Variants in PBXIP1 observed in about 807,000 individuals in gnomAD.
PBXIP1 encodes the protein pre-B-cell leukemia transcription factor-interacting protein 1.
A neutral mutation model predicts 73.7 loss-of-function variants in PBXIP1; 73 were observed. The ratio of observed to expected loss-of-function variants is 0.99; its 90% CI spans 0.82 to 1.20. PBXIP1 has a LOEUF of 1.20. PBXIP1 is among the 50% of genes most tolerant of loss of function. The pLI, the probability that PBXIP1 is intolerant of heterozygous loss-of-function variation, is 0.00. For missense variants in PBXIP1, 818 were observed against 911.4 expected (o/e 0.90, Z 1.32); for synonymous variants, 330 against 366.9 (o/e 0.90, Z 1.15).
Position 154,945,601 on chromosome 1 carries a change from G to A in PBXIP1, c.2073C>T (p.His691=), listed in dbSNP as rs1654776620. 1.2e-6 allele frequency: 2 copies of A among 1,613,810 alleles called. No individual in the cohort carries two copies. The highest frequency in any genetic ancestry group is 1.7e-6 in the Non-Finnish European group (2 of 1,179,850). ...VDDFEDFIFS[H]FFGDKALKKR... ...TCTTCAGTGCTTTGTCTCCAAAGAAGTGGCTGAAGATGAAGTCCTCAAAGT... is the reference window on the plus strand; with the variant it reads ...TCTTCAGTGCTTTGTCTCCAAAGAAATGGCTGAAGATGAAGTCCTCAAAGT... The change falls in exon 10 of 11, where the codon CAC becomes CAT. Residue 691 remains histidine, a synonymous_variant. Coordinates refer to ENST00000368463, the MANE Select transcript of PBXIP1 (RefSeq NM_020524.4).
At chr1:154,953,801 G>A in intron 1 of PBXIP1, 44 bp from the exon 2 acceptor site, 3 of 1,289,102 alleles carry the variant, frequency 2.3e-6, no homozygotes, top group Admixed American at 3.9e-5. Context: ...CCCTTCAGGA[G>A]GGGCAGAATG....
rs752419763 is a variant in PBXIP1, at chr1:154,951,569, T to C, written c.179-34A>G. ...GGAGAAAAGGCGCAGAAAAACCCACTGCCCCAGCTGAATTTCCTTTGCAGC... is the reference window on the plus strand; with the variant it reads ...GGAGAAAAGGCGCAGAAAAACCCACCGCCCCAGCTGAATTTCCTTTGCAGC... On this transcript the variant is annotated intron_variant, in intron 3 of 10. Transcript: ENST00000368463. The surrounding 1 kb of genome is among the most constrained non-coding windows in gnomAD (Gnocchi z 4.3). The C allele has an allele frequency of 1.8e-5, 28 of 1,599,744 alleles. No individual in the cohort carries two copies. Among genetic ancestry groups the C allele is most frequent in the Non-Finnish European group, 2.3e-5 (27 of 1,167,326 alleles).
At position 154,948,287 on chromosome 1, in the gene PBXIP1, C is replaced by T. The variant is rs767849166; in HGVS notation, c.489G>A (p.Arg163=). The T allele has an allele frequency of 6.2e-7, 1 of 1,610,806 alleles. No individual in the cohort carries two copies. The highest frequency in any genetic ancestry group is 1.3e-5 in the African/African-American group (1 of 75,002). Residue 163 remains arginine (R), a synonymous_variant, in exon 6 of 11, where the codon CGG becomes CGA. Transcript: ENST00000368463. ...DVDMEGLRRR[R]GREAGPPQPM... ...GCTGAGGTGGGCCGGCCTCCCGGCC[C>T]CGCCGTCTCCGCAGACCCTCCATGT...
At position 154,951,070 on chromosome 1, in the gene PBXIP1, C is replaced by G. The variant is rs1188633276; in HGVS notation, c.409+162G>C. On this transcript the variant is annotated intron_variant, in intron 5 of 10. Coordinates refer to ENST00000368463, the MANE Select transcript of PBXIP1 (RefSeq NM_020524.4). The surrounding 1 kb of genome is among the most constrained non-coding windows in gnomAD (Gnocchi z 4.3). ...GTGTGACCTTGGTCAAGTCATTCAA[C>G]CTTTCTGGGCCTCAACGTCCCAGGG... Among the ~76,000 whole-genome samples the G allele has an allele frequency of 1.3e-5, 2 of 152,254 alleles. No individual in the cohort carries two copies. The highest frequency in any genetic ancestry group is 4.8e-5 in the African/African-American group (2 of 41,476).
chr1:154,955,540 G>T (rs1655150173), intron 1 of PBXIP1, among the ~76,000 whole-genome samples: 1 of 152,068 alleles, frequency 6.6e-6, no homozygotes, highest in Non-Finnish European at 1.5e-5. Context: ...TTAACCCAGG[G>T]TTCAAAAAAA....
At chr1:154,949,513 G>A (rs1457667231) in intron 5 of PBXIP1, among the ~76,000 whole-genome samples, 2 of 152,036 alleles carry the variant, frequency 1.3e-5, no homozygotes, top group Admixed American at 6.6e-5. Context: ...TCCATCCTGA[G>A]CCTCGGCATC....
chr1:154,947,926 C>G (rs1176430182), intron 7 of PBXIP1, 56 bp downstream of exon 7: 1 of 1,586,948 alleles, frequency 6.3e-7, no homozygotes, highest in Non-Finnish European at 8.7e-7. Context: ...TCCTGACCCA[C>G]AGAACCAGAG....
intron 1 of PBXIP1, 38 bp from the exon 2 acceptor site, chr1:154,953,795 T>C (rs1226273624): frequency 1.5e-6 from 2 of 1,360,092 alleles, no homozygotes; most frequent in Non-Finnish European, 2.1e-6. Flanking sequence ...GGAGCTCCCT[T>C]CAGGAGGGGC....
In PBXIP1 at chr1:154,946,181, C is replaced by A; in HGVS notation, c.1493G>T (p.Gly498Val). ...TCCCCAGTTCTTCTTCCTTTCCCGG[C>A]CAGATTCTTCCTTCTTATGTTTCCA... Reference protein sequence around the residue: ...EHWKHKKEESGRERKKNWGGQ... With the variant: ...EHWKHKKEESVRERKKNWGGQ... Residue 498 changes from glycine to valine, a missense_variant, in exon 10 of 11, where the codon GGC (glycine) becomes GTC (valine). Coordinates refer to ENST00000368463, the MANE Select transcript of PBXIP1 (RefSeq NM_020524.4). 1 of 1,614,158 alleles carries A rather than the reference C, an allele frequency of 6.2e-7. No homozygotes were observed. Among genetic ancestry groups the A allele is most frequent in the Non-Finnish European group, 8.5e-7 (1 of 1,180,026 alleles).
chr1:154,951,833 G>C lies in PBXIP1; in HGVS notation c.140C>G (p.Thr47Arg). ...GGTCCCAGCTAATTCTTTCCCATCT[G>C]TCTTGGAGGGGCTGTGAGGGGCCTG... is the stretch of plus-strand genomic sequence containing the variant. The part of the protein sequence containing the change: ...ALQAPHSPSK[T>R]DGKELAGTMD... The change falls in exon 3 of 11, where the codon ACA (threonine) becomes AGA (arginine). Residue 47 changes from threonine (T) to arginine (R), a missense_variant. Coordinates refer to ENST00000368463, the MANE Select transcript of PBXIP1 (RefSeq NM_020524.4). This position sits in a 1 kb window ranked among gnomAD's most constrained non-coding sequence, Gnocchi z 4.3. 6.2e-7 allele frequency: 1 copy of C among 1,614,016 alleles called. No individual in the cohort carries two copies. The highest frequency in any genetic ancestry group is 8.5e-7 in the Non-Finnish European group (1 of 1,179,938).
chr1:154,952,417 G>A (rs1013153610), intron 2 of PBXIP1, among the ~76,000 whole-genome samples: 34 of 151,638 alleles, frequency 2.2e-4, no homozygotes, highest in Non-Finnish European at 3.8e-4. Flanking sequence ...CCCGACACCC[G>A]TCTCCCAGCA....
rs1184186431 is a variant in PBXIP1, at chr1:154,946,242, A to G, written c.1432T>C (p.Trp478Arg). 6.2e-7 allele frequency: 1 copy of G among 1,613,368 alleles called. No individual in the cohort carries two copies. Among genetic ancestry groups the G allele is most frequent in the East Asian group, 2.2e-5 (1 of 44,840 alleles). The change falls in exon 10 of 11, where the codon TGG becomes CGG. Residue 478 changes from tryptophan (W) to arginine (R), a missense_variant. Physicochemically the swap from Trp to Arg is moderately radical, Grantham distance 101. Transcript: ENST00000368463. ...TTCCGGTCTCTCTGCCCATCCCACC[A>G]CTTTTCCTTTCCACTCCACTCCCTA... ...NSREWSGKEKWWDGQRDRKAE... is the reference protein window; with the variant it reads ...NSREWSGKEKRWDGQRDRKAE...
chr1:154,948,450 C>CAGGGAGGG lies in PBXIP1; in HGVS notation c.410-92_410-85dup, dbSNP rs776996682. ...GAGAGAGGGGAATCAGAGGAAGGCACAGGGAGGGAGGTCGTCAGCCCTGAC... is the reference window on the plus strand; with the variant it reads ...GAGAGAGGGGAATCAGAGGAAGGCACAGGGAGGGAGGGAGGGAGGTCGTCAGCCCTGAC... On this transcript the variant is annotated intron_variant, in intron 5 of 10. Transcript: ENST00000368463. 1.3e-5 allele frequency: 13 copies of CAGGGAGGG among 1,039,688 alleles called. No individual in the cohort carries two copies. The East Asian group carries it at 3.4e-4, about 27-fold the overall frequency. The allele number at this position is 1,039,688 out of a possible 1,614,324, so 64.4% of individuals were successfully genotyped here. A position where few individuals can be genotyped will look rare whatever the true frequency, so the allele number is the denominator to read the frequency against.
chr1:154,944,975 G>A lies in PBXIP1; in HGVS notation c.*49C>T. On this transcript the variant is annotated 3_prime_UTR_variant, in exon 11 of 11. Transcript: ENST00000368463. ...CACCCTCCAGGAGTTAGATAACGCTGGGATCTTGGGCTGGGCCAGGCCAAG... is the reference window on the plus strand; with the variant it reads ...CACCCTCCAGGAGTTAGATAACGCTAGGATCTTGGGCTGGGCCAGGCCAAG... 2 of 1,460,550 alleles carry A rather than the reference G, an allele frequency of 1.4e-6. No individual in the cohort carries two copies. The highest frequency in any genetic ancestry group is 2.3e-5 in the South Asian group (2 of 87,902). 90.5% of individuals were successfully genotyped at this position (1,460,550 alleles called of 1,614,324 possible).
intron 2 of PBXIP1, among the ~76,000 whole-genome samples, chr1:154,953,387 G>A (rs1285998824): frequency 1.3e-5 from 2 of 151,954 alleles, no homozygotes; most frequent in African/African-American, 2.4e-5. Context: ...CCCCACTATC[G>A]CCTCAGGACC....
chr1:154,945,530 T>C (rs1654773229), intron 10 of PBXIP1, 42 bp downstream of exon 10: 1 of 1,577,010 alleles, frequency 6.3e-7, no homozygotes, highest in Non-Finnish European at 8.6e-7. Flanking sequence ...TCCTCCCGAC[T>C]GCCTCTGTCC....
Position 154,945,668 on chromosome 1 carries a change from T to A in PBXIP1, c.2006A>T (p.Glu669Val). ...FVDALEDSLEEVAVQQTGDDD... is the reference protein window; with the variant it reads ...FVDALEDSLEVVAVQQTGDDD... ...ATCACCTGTCTGTTGCACAGCCACC[T>A]CCTCCAAGCTGTCCTCCAGGGCATC... The change falls in exon 10 of 11, where the codon GAG becomes GTG. Residue 669 changes from glutamate to valine, a missense_variant. Transcript: ENST00000368463. 6.2e-7 allele frequency: 1 copy of A among 1,614,144 alleles called. No individual in the cohort carries two copies. Among genetic ancestry groups the A allele is most frequent in the Non-Finnish European group, 8.5e-7 (1 of 1,180,010 alleles).
At position 154,946,543 on chromosome 1, in the gene PBXIP1, T is replaced by C; in HGVS notation, c.1131A>G (p.Glu377=). Residue 377 remains glutamate (E), a synonymous_variant, in exon 10 of 11, where the codon GAA becomes GAG. Transcript: ENST00000368463. ...GTTCCTTCTGCTTCAGGAAGCTGAG[T>C]TCTGGCTCCTGCTCCCTGGGGCCTT... ...REQGPREQEP[E]LSFLKQKEQL... is the part of the protein sequence containing the mutation. The C allele has an allele frequency of 6.2e-7, 1 of 1,612,190 alleles. No homozygotes were observed. The highest frequency in any genetic ancestry group is 8.5e-7 in the Non-Finnish European group (1 of 1,180,018).
intron 5 of PBXIP1, among the ~76,000 whole-genome samples, chr1:154,949,790 T>C (rs942912089): frequency 7.2e-5 from 11 of 151,730 alleles, no homozygotes; most frequent in African/African-American, 2.4e-4. Flanking sequence ...AACCAAGAAC[T>C]GGGAAGACGC....
Sources: gnomAD v4.1 joint callset for allele counts (sites outside exome capture counted in the v4.1 genomes callset) on GRCh38, gnomAD v4.1.1 for gene constraint, Gnocchi (gnomAD v3.1) non-coding constraint, MANE v1.5 for transcripts, NCBI Gene and HGNC (gene_info 2026-07-23, HGNC 2026-07-21) for gene names.